SPATA7: variants seen among roughly 807,000 people sequenced by gnomAD.
SPATA7 encodes spermatogenesis-associated protein 7.
In SPATA7, 43 loss-of-function variants were observed where a neutral mutation model predicts 51.8. The observed-to-expected ratio is 0.83, with a 90% CI of 0.65 to 1.07. SPATA7 has a LOEUF of 1.07. Ranked by LOEUF, SPATA7 falls within the 50% of genes least tolerant of loss-of-function variation. The pLI, the probability that SPATA7 is intolerant of heterozygous loss-of-function variation, is 0.00. For synonymous variants in SPATA7, 230 were observed against 252.8 expected, an observed-to-expected ratio of 0.91 and a Z score of 0.86; for missense variants, 683 against 701.3, an observed-to-expected ratio of 0.97 and a Z score of 0.30.
At chr14:88,423,555 A>G (rs2076706248) in intron 5 of SPATA7, among the ~76,000 whole-genome samples, 1 of 151,984 alleles carries the variant, frequency 6.6e-6, no homozygotes, top group South Asian at 2.1e-4. Context: ...GATTAAAAAA[A>G]AAAAATCTGG....
rs1323877247 is a variant in SPATA7 at position 88,385,678 on chromosome 14, C to G, written c.-141C>G. 1 of 818,434 alleles carries G rather than the reference C, an allele frequency of 1.2e-6. No homozygotes were observed. The highest frequency in any genetic ancestry group is 2.6e-5 in the East Asian group (1 of 37,772). 50.7% of individuals were successfully genotyped at this position (818,434 alleles called of 1,614,324 possible). ...ACTCACTGGACCCAGCCCTTAGCAA[C>G]GGCCTGGCAACGGTTTCCCTGCTGC... On this transcript the variant is annotated 5_prime_UTR_variant, in exon 1 of 12. Coordinates refer to ENST00000393545, the MANE Select transcript of SPATA7 (RefSeq NM_018418.5).
At position 88,433,989 on chromosome 14, in the gene SPATA7, T is replaced by C. The variant is rs376035784; in HGVS notation, c.1160+777T>C. ...CATTTTAAAAAGTTGGTTAATAATA[T>C]TTGCATAATATGGGTAAAGAGTTTC... On this transcript the variant is annotated intron_variant, in intron 10 of 11. Coordinates refer to ENST00000393545, the MANE Select transcript of SPATA7 (RefSeq NM_018418.5). 1.3e-4 allele frequency among the ~76,000 whole-genome samples: 20 copies of C among 152,292 alleles called. No individual in the cohort carries two copies. In the South Asian group the frequency reaches 4.1e-3, roughly 32 times the overall value.
At chr14:88,448,029 C>T (rs1298086675) in intron 3 of SPATA7, among the ~76,000 whole-genome samples, 1 of 151,788 alleles carries the variant, frequency 6.6e-6, no homozygotes, top group Admixed American at 6.6e-5. Context: ...TGAACGTTGG[C>T]CTGCTTTGCT....
intron 3 of SPATA7, among the ~76,000 whole-genome samples, chr14:88,395,212 C>G (rs73321817): frequency 0.035 from 5,364 of 152,000 alleles, 312 homozygotes; most frequent in African/African-American, 0.12. Context: ...TTATCAAAAC[C>G]AGGAAATCAA....
At chr14:88,456,927 T>G (rs149825204), downstream of SPATA7, among the ~76,000 whole-genome samples, 116 of 152,362 alleles carry the variant, frequency 7.6e-4, 3 homozygotes, top group East Asian at 0.02. Context: ...GGATCCAGTT[T>G]CAGCTTTCTA....
At chr14:88,443,838 A>G (rs1239737738) in intron 3 of SPATA7, among the ~76,000 whole-genome samples, 1 of 152,132 alleles carries the variant, frequency 6.6e-6, no homozygotes, top group Non-Finnish European at 1.5e-5. Flanking sequence ...GCTGCATAGT[A>G]TTGCATGGTG....
rs530472940 is a variant in SPATA7, at chr14:88,412,525, A to G, written c.239-4186A>G. 2.0e-5 allele frequency among the ~76,000 whole-genome samples: 3 copies of G among 152,242 alleles called. No individual in the cohort carries two copies. The South Asian group carries it at 6.2e-4, about 32-fold the overall frequency. On this transcript the variant is annotated intron_variant, in intron 4 of 11. Transcript: ENST00000393545. Reference sequence around the variant, plus strand: ...TTCTGCCTGCTTTATGTTCGCTCGCAGCTGATTAGATGGTGCCCACCCAGA... The same window carrying G: ...TTCTGCCTGCTTTATGTTCGCTCGCGGCTGATTAGATGGTGCCCACCCAGA...
chr14:88,394,686 T>C (rs2075834693), intron 3 of SPATA7, among the ~76,000 whole-genome samples: 1 of 152,188 alleles, frequency 6.6e-6, no homozygotes, highest in Non-Finnish European at 1.5e-5. Context: ...GGAGTAGAAC[T>C]GTGAGGTAAT....
At chr14:88,395,277 CTAA>C (rs1338296131) in intron 3 of SPATA7, among the ~76,000 whole-genome samples, 8 of 151,260 alleles carry the variant, frequency 5.3e-5, no homozygotes, top group Non-Finnish European at 7.4e-5. Context: ...CAATTTTTGA[CTAA>C]TGTCTTTTAA....
chr14:88,452,708 C>T (rs117540124), intron 3 of SPATA7, among the ~76,000 whole-genome samples: 3,860 of 152,274 alleles, frequency 0.025, 81 homozygotes, highest in South Asian at 0.09. Flanking sequence ...ATCTTCCCTC[C>T]AGTATACCCC....
At chr14:88,412,880 C>G (rs2076379917) in intron 4 of SPATA7, among the ~76,000 whole-genome samples, 1 of 152,140 alleles carries the variant, frequency 6.6e-6, no homozygotes, top group Admixed American at 6.6e-5. Context: ...TTTGCCAAGG[C>G]CAATGTCCAG....
At chr14:88,436,576 C>A in intron 10 of SPATA7, among the ~76,000 whole-genome samples, 1 of 152,092 alleles carries the variant, frequency 6.6e-6, no homozygotes, top group Non-Finnish European at 1.5e-5. Flanking sequence ...TTAAGCCTTT[C>A]ATCTATTTTG....
intron 4 of SPATA7, chr14:88,415,217 T>G (rs765446852): frequency 5.3e-5 from 18 of 339,992 alleles, no homozygotes; most frequent in Non-Finnish European, 1.0e-4. Flanking sequence ...CTAGAAGTAC[T>G]TGTATGAATC....
chr14:88,464,041 A>G (rs887100714), intron 4 of SPATA7, among the ~76,000 whole-genome samples: 8 of 152,030 alleles, frequency 5.3e-5, no homozygotes, highest in Non-Finnish European at 1.0e-4. Context: ...GGGTTTCACC[A>G]TGTTGGCCAG....
Position 88,385,702 on chromosome 14 carries a change from G to C in SPATA7, c.-117G>C. On this transcript the variant is annotated 5_prime_UTR_variant, in exon 1 of 12. Coordinates refer to ENST00000393545, the MANE Select transcript of SPATA7 (RefSeq NM_018418.5). ...ACGGCCTGGCAACGGTTTCCCTGCT[G>C]CTGCAGCCCCCGTCGGCTCCTCTTT... 9.9e-7 allele frequency: 1 copy of C among 1,013,828 alleles called. No individual in the cohort carries two copies. The highest frequency in any genetic ancestry group is 1.4e-5 in the South Asian group (1 of 73,762). The allele number at this position is 1,013,828 out of a possible 1,614,324, so 62.8% of individuals were successfully genotyped here. A position where few individuals can be genotyped will look rare whatever the true frequency, so the allele number is the denominator to read the frequency against.
chr14:88,431,986 A>C (rs1254306374), intron 9 of SPATA7, among the ~76,000 whole-genome samples: 1 of 152,318 alleles, frequency 6.6e-6, no homozygotes, highest in African/African-American at 2.4e-5. Context: ...AATAATTATC[A>C]ATCACGTCAT....
intron 3 of SPATA7, among the ~76,000 whole-genome samples, chr14:88,395,193 G>A (rs532208846): frequency 3.9e-5 from 6 of 151,948 alleles, no homozygotes; most frequent in East Asian, 3.9e-4. Context: ...CTTAAAAACC[G>A]TGGTATAGTT....
chr14:88,405,855 G>T (rs555684882), intron 4 of SPATA7, among the ~76,000 whole-genome samples: 104 of 152,266 alleles, frequency 6.8e-4, no homozygotes, highest in African/African-American at 2.3e-3. Flanking sequence ...CAGCATATAG[G>T]GGGTATTTAA....
At chr14:88,398,335 G>T (rs61526701) in intron 4 of SPATA7, among the ~76,000 whole-genome samples, 5,267 of 151,690 alleles carry the variant, frequency 0.035, 294 homozygotes, top group African/African-American at 0.12. Flanking sequence ...TGTAGGGACA[G>T]GGATGAAATT....
Sources: allele counts gnomAD v4.1 joint callset (sites outside exome capture counted in the v4.1 genomes callset), GRCh38; gene constraint gnomAD v4.1.1; transcripts MANE v1.5; gene names NCBI Gene and HGNC (gene_info 2026-07-23, HGNC 2026-07-21).